SDK1: variants seen among roughly 807,000 people sequenced by gnomAD.
SDK1 encodes protein sidekick-1.
A neutral mutation model predicts 245.5 loss-of-function variants in SDK1; 157 were observed. The observed-to-expected ratio is 0.64, with a 90% CI of 0.56 to 0.73. The LOEUF (loss-of-function observed/expected upper bound fraction) is 0.73. Among genes scored for constraint, SDK1 ranks in the 30% least tolerant of loss-of-function variants. SDK1 has a pLI of 0.00. For missense variants in SDK1, 3,583 were observed against 3,002.3 expected (o/e 1.19, Z -4.52); for synonymous variants, 1,647 against 1,278.5 (o/e 1.29, Z -6.15).
intron 44 of SDK1, among the ~76,000 whole-genome samples, chr7:4,251,389 T>G (rs1172290730): frequency 1.3e-5 from 2 of 152,208 alleles, no homozygotes; most frequent in African/African-American, 4.8e-5. Flanking sequence ...TTCACGCTTC[T>G]AAGAGTCTTC....
At chr7:3,817,625 C>T (rs535867416) in intron 4 of SDK1, among the ~76,000 whole-genome samples, 1 of 152,256 alleles carries the variant, frequency 6.6e-6, no homozygotes, top group African/African-American at 2.4e-5. Context: ...TGGGGAAGGC[C>T]ACAACCCCTG....
intron 5 of SDK1, among the ~76,000 whole-genome samples, chr7:3,940,149 C>T (rs1211034561): frequency 6.6e-6 from 1 of 150,856 alleles, no homozygotes; most frequent in African/African-American, 2.4e-5. Flanking sequence ...ACCCTGGCTG[C>T]AGAAACTGAC....
intron 2 of SDK1, among the ~76,000 whole-genome samples, chr7:3,636,393 C>T (rs1183596190): frequency 2.0e-5 from 3 of 152,130 alleles, no homozygotes; most frequent in Admixed American, 1.3e-4. Context: ...CACTAGTGGC[C>T]ACCATTTCAC....
intron 14 of SDK1, among the ~76,000 whole-genome samples, chr7:4,010,500 T>C (rs1583819013): frequency 6.6e-6 from 1 of 152,208 alleles, no homozygotes; most frequent in South Asian, 2.1e-4. Flanking sequence ...GGCTGCGAAA[T>C]ACACAGCCCA....
At chr7:3,498,111 A>G (rs923042507) in intron 1 of SDK1, among the ~76,000 whole-genome samples, 2 of 152,226 alleles carry the variant, frequency 1.3e-5, no homozygotes, top group Non-Finnish European at 2.9e-5. Context: ...TGAAGTTTCA[A>G]AACTTTATTC....
At chr7:4,030,085 A>G (rs1033776632) in intron 17 of SDK1, among the ~76,000 whole-genome samples, 22 of 152,284 alleles carry the variant, frequency 1.4e-4, no homozygotes, top group African/African-American at 5.1e-4. Context: ...ACAACCCTGT[A>G]CTGGCTAGAT....
chr7:3,937,204 A>G (rs1460562026), intron 5 of SDK1, among the ~76,000 whole-genome samples: 2 of 151,998 alleles, frequency 1.3e-5, no homozygotes, highest in African/African-American at 4.8e-5. Flanking sequence ...TGTCCCAAGG[A>G]CCTCACTCTG....
intron 31 of SDK1, among the ~76,000 whole-genome samples, chr7:4,161,340 T>C (rs568207048): frequency 2.6e-5 from 4 of 152,224 alleles, no homozygotes; most frequent in Admixed American, 1.3e-4. Context: ...CTGACAGCCT[T>C]TTAGTGTTTC....
chr7:4,175,090 C>G (rs949098841), intron 33 of SDK1, among the ~76,000 whole-genome samples: 1 of 152,152 alleles, frequency 6.6e-6, no homozygotes, highest in East Asian at 1.9e-4. Context: ...CCTCACGCGC[C>G]AATGCCAGCC....
chr7:3,940,938 G>A (rs965551610), intron 5 of SDK1, among the ~76,000 whole-genome samples: 5 of 151,818 alleles, frequency 3.3e-5, no homozygotes, highest in East Asian at 1.9e-4. Flanking sequence ...TTCAATCACC[G>A]CCCATGTACC....
intron 5 of SDK1, among the ~76,000 whole-genome samples, chr7:3,825,583 T>A (rs1357436566): frequency 2.0e-5 from 3 of 152,206 alleles, no homozygotes; most frequent in African/African-American, 7.2e-5. Context: ...AGGATATCAT[T>A]TCAGCTGATC....
chr7:4,119,172 G>A lies in SDK1; in HGVS notation c.3823+4898G>A, dbSNP rs147320986. On this transcript the variant is annotated intron_variant, in intron 25 of 44. Coordinates refer to ENST00000404826, the MANE Select transcript of SDK1 (RefSeq NM_152744.4). ...AATGTTATTAAAATAAGTATGGGCTGGGGGCTGTGATTCGTACCTGTAATC... is the reference window on the plus strand; with the variant it reads ...AATGTTATTAAAATAAGTATGGGCTAGGGGCTGTGATTCGTACCTGTAATC... 2.9e-4 allele frequency among the ~76,000 whole-genome samples: 43 copies of A among 148,644 alleles called. 2 individuals carry two copies. Among genetic ancestry groups the A allele is most frequent in the African/African-American group, 1.0e-3 (41 of 40,642 alleles).
chr7:3,341,507 A>G (rs2128554575), intron 1 of SDK1, among the ~76,000 whole-genome samples: 1 of 152,278 alleles, frequency 6.6e-6, no homozygotes, highest in South Asian at 2.1e-4. Context: ...TATCCAGACC[A>G]AAAAGGAGGA....
chr7:3,504,182 A>ATATGTGTGTGTGTGTGTGTG lies in SDK1; in HGVS notation c.299-114897_299-114896insATGTGTGTGTGTGTGTGTGT, dbSNP rs375661314. Among the ~76,000 whole-genome samples the ATATGTGTGTGTGTGTGTGTG allele has an allele frequency of 3.8e-3, 505 of 131,910 alleles. 3 individuals are homozygous for ATATGTGTGTGTGTGTGTGTG. Among genetic ancestry groups the ATATGTGTGTGTGTGTGTGTG allele is most frequent in the Admixed American group, 0.014 (176 of 12,272 alleles). The allele number at this position is 131,910 out of a possible 152,430, so 86.5% of individuals were successfully genotyped here. ...AACCAAAAAAATTATATATATATAT[A>ATATGTGTGTGTGTGTGTGTG]TGTGTGTGTGTGTGTGTGTGTGTGT... On this transcript the variant is annotated intron_variant, in intron 1 of 44. Coordinates refer to ENST00000404826, the MANE Select transcript of SDK1 (RefSeq NM_152744.4).
At chr7:3,447,738 C>T (rs139576316) in intron 1 of SDK1, among the ~76,000 whole-genome samples, 1 of 132,146 alleles carries the variant, frequency 7.6e-6, no homozygotes, top group African/African-American at 2.9e-5. Context: ...GAGTTTCACT[C>T]TCGTTGCCCA....
intron 1 of SDK1, among the ~76,000 whole-genome samples, chr7:3,493,996 C>G (rs780236845): frequency 5.9e-5 from 9 of 152,138 alleles, no homozygotes; most frequent in Non-Finnish European, 7.3e-5. Context: ...ATAGACAGTT[C>G]ATTGAAACAG....
At chr7:4,228,849 T>G (rs1463730592) in intron 40 of SDK1, among the ~76,000 whole-genome samples, 1 of 152,168 alleles carries the variant, frequency 6.6e-6, no homozygotes, top group Non-Finnish European at 1.5e-5. Context: ...TTGCTTTTCC[T>G]ACAACGGCAA....
intron 11 of SDK1, among the ~76,000 whole-genome samples, chr7:3,970,786 A>G (rs6980159): frequency 0.42 from 64,215 of 152,122 alleles, 15,661 homozygotes; most frequent in African/African-American, 0.68. Flanking sequence ...AAGATGCAGA[A>G]TTGTTTTTCT....
At chr7:3,599,291 T>A (rs982386528) in intron 1 of SDK1, among the ~76,000 whole-genome samples, 6 of 152,112 alleles carry the variant, frequency 3.9e-5, no homozygotes, top group Admixed American at 3.3e-4. Flanking sequence ...TGTCTGTTTA[T>A]ATCTTTTGCT....
Sources: allele counts gnomAD v4.1 joint callset (sites outside exome capture counted in the v4.1 genomes callset), GRCh38; gene constraint gnomAD v4.1.1; transcripts MANE v1.5; gene names NCBI Gene and HGNC (gene_info 2026-07-23, HGNC 2026-07-21).